ASB4: variants seen among roughly 807,000 people sequenced by gnomAD.
ASB4 encodes the protein ankyrin repeat and SOCS box protein 4.
Under a neutral mutation model 38.6 loss-of-function variants are expected in ASB4, and 35 were observed. The observed-to-expected ratio is 0.91, with a 90% CI of 0.69 to 1.20. The LOEUF (loss-of-function observed/expected upper bound fraction) is 1.20, where lower values mean the gene tolerates loss of function less well. ASB4 is among the 50% of genes most tolerant of loss of function. The pLI is 0.00. For missense variants in ASB4, 557 were observed against 527.2 expected, an observed-to-expected ratio of 1.06 and a Z score of -0.55; for synonymous variants, 195 against 201.3, an observed-to-expected ratio of 0.97 and a Z score of 0.26.
At position 95,536,525 on chromosome 7, in the gene ASB4, G is replaced by C. The variant is rs770959162; in HGVS notation, c.1067G>C (p.Arg356Thr). The C allele has an allele frequency of 1.2e-6, 2 of 1,611,652 alleles. No individual in the cohort carries two copies. The highest frequency in any genetic ancestry group is 1.7e-6 in the Non-Finnish European group (2 of 1,177,960). The change falls in exon 4 of 5, where the codon AGA becomes ACA. Residue 356 changes from arginine (R) to threonine (T), a missense_variant. Transcript: ENST00000325885. Reference sequence around the variant, plus strand: ...ATCAGATGGAACACAAAGTGGAGAAGAGCTATCCCCGATGATGACTTGGAG... The same window carrying C: ...ATCAGATGGAACACAAAGTGGAGAACAGCTATCCCCGATGATGACTTGGAG... ...EHIRWNTKWR[R>T]AIPDDDLEKY... is the part of the protein sequence containing the mutation.
chr7:95,519,163 G>A (rs1790625695), intron 2 of ASB4, among the ~76,000 whole-genome samples: 1 of 152,158 alleles, frequency 6.6e-6, no homozygotes, highest in South Asian at 2.1e-4. Context: ...GCCATAGAAT[G>A]TAGACTGAAA....
At chr7:95,526,393 A>T (rs1292270338) in intron 2 of ASB4, among the ~76,000 whole-genome samples, 1 of 152,084 alleles carries the variant, frequency 6.6e-6, no homozygotes, top group Non-Finnish European at 1.5e-5. Flanking sequence ...CTGCAGTTGC[A>T]CCCTGCCTCT....
chr7:95,536,303 G>T, intron 3 of ASB4, 134 bp from the exon 4 acceptor site: 1 of 558,700 alleles, frequency 1.8e-6, no homozygotes, highest in Non-Finnish European at 3.2e-6. Flanking sequence ...TCCTGCCTCA[G>T]TCTCCCAAGT....
rs1387140013 is a variant in ASB4 at position 95,528,054 on chromosome 7, C to A, written c.729C>A (p.Ala243=). Residue 243 remains alanine, a synonymous_variant, in exon 3 of 5, where the codon GCC becomes GCA. Transcript: ENST00000325885. ...GCCGCATGCTGCTTGACTACAAAGC[C>A]GAAGTCAATGCCCGAGATGACGACT... is the stretch of plus-strand genomic sequence containing the variant. ...LVCRMLLDYK[A]EVNARDDDFK... is the part of the protein sequence containing the mutation. The A allele has an allele frequency of 5.6e-6, 9 of 1,613,986 alleles. No individual in the cohort carries two copies. The highest frequency in any genetic ancestry group is 4.4e-5 in the South Asian group (4 of 91,080).
At chr7:95,505,693 C>T (rs528265318) in intron 2 of ASB4, among the ~76,000 whole-genome samples, 1 of 143,384 alleles carries the variant, frequency 7.0e-6, no homozygotes, top group Non-Finnish European at 1.5e-5. Context: ...GTGTCCCCCC[C>T]CCCCCAAATA....
upstream of ASB4, among the ~76,000 whole-genome samples, chr7:95,484,052 G>A (rs73711314): frequency 0.054 from 8,165 of 151,322 alleles, 257 homozygotes; most frequent in African/African-American, 0.071. Context: ...AAATTGTCAG[G>A]CATAGTGGCT....
chr7:95,504,807 G>T (rs757037340), intron 2 of ASB4, among the ~76,000 whole-genome samples: 1 of 152,148 alleles, frequency 6.6e-6, no homozygotes, highest in African/African-American at 2.4e-5. Context: ...CTAAAAGGCC[G>T]TGTCTTCTGG....
At chr7:95,525,741 C>T (rs891103911) in intron 2 of ASB4, among the ~76,000 whole-genome samples, 7 of 152,148 alleles carry the variant, frequency 4.6e-5, no homozygotes, top group African/African-American at 9.7e-5. Flanking sequence ...AGAGCAAAGA[C>T]GAGCTGACCT....
intron 3 of ASB4, among the ~76,000 whole-genome samples, chr7:95,530,105 CAAAA>C (rs60923712): frequency 4.0e-5 from 4 of 99,700 alleles, no homozygotes; most frequent in Admixed American, 1.1e-4. Flanking sequence ...AAAAGCAGGG[CAAAA>C]AAAAAAAAAA....
At chr7:95,481,223 A>G (rs1210328724), upstream of ASB4, among the ~76,000 whole-genome samples, 2 of 152,158 alleles carry the variant, frequency 1.3e-5, no homozygotes, top group African/African-American at 4.8e-5. Flanking sequence ...CTGAAACCCA[A>G]ACACTACAAC....
In ASB4 at chr7:95,528,386, C is replaced by T. The variant is rs766444091; in HGVS notation, c.978+83C>T. ...GAAATCTCCAAGTAACTCAAGCTTG[C>T]TTGAGGCTTGAGTCCTGGGCTAACT... On this transcript the variant is annotated intron_variant, in intron 3 of 4. Coordinates refer to ENST00000325885, the MANE Select transcript of ASB4 (RefSeq NM_016116.3). 14 of 1,592,262 alleles carry T rather than the reference C, an allele frequency of 8.8e-6. No homozygotes were observed. The East Asian group carries it at 3.1e-4, about 36-fold the overall frequency.
chr7:95,492,404 C>T (rs1790185216), intron 1 of ASB4, among the ~76,000 whole-genome samples: 1 of 152,064 alleles, frequency 6.6e-6, no homozygotes, highest in African/African-American at 2.4e-5. Flanking sequence ...GTGAAGCAGG[C>T]TTGGAGGTAA....
chr7:95,515,252 CTTCTTTCTTTCTTTCTCT>C (rs1562817141), intron 2 of ASB4, among the ~76,000 whole-genome samples: 8 of 52,668 alleles, frequency 1.5e-4, no homozygotes, highest in African/African-American at 2.1e-4. Flanking sequence ...TCTTTCTTTC[CTTCTTTCTTTCTTTCTCT>C]TTCTTTCTTT....
rs529532225 is a variant in ASB4, at chr7:95,527,934, C to T, written c.609C>T (p.Ser203=). The T allele has an allele frequency of 1.2e-6, 2 of 1,614,164 alleles. No homozygotes were observed. The highest frequency in any genetic ancestry group is 1.1e-5 in the South Asian group (1 of 91,086). The change falls in exon 3 of 5, where the codon AGC becomes AGT. Residue 203 remains serine (S), a synonymous_variant. Coordinates refer to ENST00000325885, the MANE Select transcript of ASB4 (RefSeq NM_016116.3). Reference sequence around the variant, plus strand: ...TGGAACACGGGGCCATAGTGGACAGCGTGAATGCCCACATGGAGACCCCCC... The same window carrying T: ...TGGAACACGGGGCCATAGTGGACAGTGTGAATGCCCACATGGAGACCCCCC... ...FYVEHGAIVD[S]VNAHMETPLA...
At chr7:95,487,713 C>T in intron 1 of ASB4, among the ~76,000 whole-genome samples, 1 of 152,122 alleles carries the variant, frequency 6.6e-6, no homozygotes, top group Middle Eastern at 3.2e-3. Context: ...CTCCTATGGT[C>T]CTCATAGAGC....
intron 2 of ASB4, among the ~76,000 whole-genome samples, chr7:95,507,325 A>G (rs987621698): frequency 7.3e-5 from 11 of 151,698 alleles, no homozygotes; most frequent in African/African-American, 2.4e-4. Context: ...AAGTTAGGGG[A>G]AAAGGCTGGG....
chr7:95,499,988 C>T (rs1462850325), intron 2 of ASB4, among the ~76,000 whole-genome samples: 5 of 150,692 alleles, frequency 3.3e-5, no homozygotes, highest in Non-Finnish European at 7.4e-5. Flanking sequence ...ATTCTCCTGC[C>T]TCAGCCTCCC....
intron 2 of ASB4, among the ~76,000 whole-genome samples, chr7:95,501,750 T>A (rs1424315835): frequency 2.0e-5 from 3 of 152,086 alleles, no homozygotes; most frequent in Non-Finnish European, 1.5e-5. Context: ...TTATTCCCCA[T>A]CTCTTTTGTT....
At chr7:95,525,414 A>G (rs1201732034) in intron 2 of ASB4, among the ~76,000 whole-genome samples, 1 of 152,218 alleles carries the variant, frequency 6.6e-6, no homozygotes, top group Non-Finnish European at 1.5e-5. Context: ...CACAAAATCT[A>G]AAATAAAAAA....
Sources: gnomAD v4.1 joint callset for allele counts (sites outside exome capture counted in the v4.1 genomes callset) on GRCh38, gnomAD v4.1.1 for gene constraint, MANE v1.5 for transcripts, NCBI Gene and HGNC (gene_info 2026-07-23, HGNC 2026-07-21) for gene names.